SUMF1: variants seen among roughly 807,000 people sequenced by gnomAD.
The protein encoded by SUMF1 is sulfatase modifying factor 1, also known as formylglycine-generating enzyme.
A neutral mutation model predicts 47.6 loss-of-function variants in SUMF1; 48 were observed. That is an observed-to-expected ratio of 1.01 (90% confidence interval 0.80 to 1.28). The LOEUF (loss-of-function observed/expected upper bound fraction) is 1.28. Ranked by LOEUF, SUMF1 falls within the 50% of genes most tolerant of loss-of-function variation. SUMF1 has a pLI of 0.00. For synonymous variants in SUMF1, 230 were observed against 192.1 expected (o/e 1.20, Z -1.63); for missense variants, 571 against 485.4 (o/e 1.18, Z -1.66).
At chr3:4,294,561 C>G (rs1384480258) in intron 8 of SUMF1, among the ~76,000 whole-genome samples, 1 of 152,090 alleles carries the variant, frequency 6.6e-6, no homozygotes, top group Non-Finnish European at 1.5e-5. Context: ...CCACTGCACT[C>G]CAGCCTGGGC....
At chr3:4,215,732 C>T (rs917441944) in intron 8 of SUMF1, among the ~76,000 whole-genome samples, 4 of 152,130 alleles carry the variant, frequency 2.6e-5, no homozygotes, top group African/African-American at 9.7e-5. Context: ...AAATCACAAG[C>T]ATTCCTATAC....
At chr3:4,128,885 TA>T (rs962474659) in intron 8 of SUMF1, among the ~76,000 whole-genome samples, 2 of 152,034 alleles carry the variant, frequency 1.3e-5, no homozygotes, top group African/African-American at 2.4e-5. Flanking sequence ...CTCAGGCAGT[TA>T]AAAAAGGTTC....
intron 8 of SUMF1, among the ~76,000 whole-genome samples, chr3:4,316,046 CAAAA>C (rs774059331): frequency 1.7e-4 from 13 of 76,876 alleles, no homozygotes; most frequent in Admixed American, 7.3e-4. Flanking sequence ...GACTCTGTCT[CAAAA>C]AAAAAAAAAA....
At chr3:4,114,275 A>C (rs1693374372) in intron 8 of SUMF1, among the ~76,000 whole-genome samples, 1 of 152,120 alleles carries the variant, frequency 6.6e-6, no homozygotes, top group Admixed American at 6.5e-5. Context: ...TGGCAGAATC[A>C]AAGCTTTTAT....
intron 8 of SUMF1, among the ~76,000 whole-genome samples, chr3:4,200,424 T>C (rs377523560): frequency 1.3e-5 from 2 of 152,166 alleles, no homozygotes; most frequent in Admixed American, 6.6e-5. Context: ...ATGGTGAATT[T>C]GTTCTCTCTC....
At chr3:4,391,463 A>T (rs936609093) in intron 7 of SUMF1, among the ~76,000 whole-genome samples, 1 of 152,070 alleles carries the variant, frequency 6.6e-6, no homozygotes, top group Non-Finnish European at 1.5e-5. Context: ...TTTTTCTCTG[A>T]AATTTTTTCT....
chr3:4,303,049 ACGTGCAGTG>A lies in SUMF1; in HGVS notation c.1014+73272_1014+73280del, dbSNP rs1301726687. 2.6e-5 allele frequency among the ~76,000 whole-genome samples: 4 copies of A among 152,174 alleles called. No homozygotes were observed. In the East Asian group the frequency reaches 7.7e-4, roughly 29 times the overall value. Reference sequence around the variant, plus strand: ...ACGCACCCCTGCCTCCACTCCACAAACGTGCAGTGAGCCCTCAAAAACCTGGACAAATGA... The same window carrying A: ...ACGCACCCCTGCCTCCACTCCACAAAAGCCCTCAAAAACCTGGACAAATGA... On this transcript the variant is annotated intron_variant and NMD_transcript_variant, in intron 8 of 12. Transcript: ENST00000448413.
chr3:4,451,741 T>A (rs1702975891), intron 2 of SUMF1, among the ~76,000 whole-genome samples: 1 of 152,252 alleles, frequency 6.6e-6, no homozygotes, highest in African/African-American at 2.4e-5. Flanking sequence ...TGGAGGGCAG[T>A]GGCCGGATCT....
At chr3:4,164,214 G>A (rs1007112881) in intron 8 of SUMF1, among the ~76,000 whole-genome samples, 1 of 152,156 alleles carries the variant, frequency 6.6e-6, no homozygotes, top group African/African-American at 2.4e-5. Flanking sequence ...CTGGTTACAA[G>A]CTGTCCCAGG....
intron 8 of SUMF1, among the ~76,000 whole-genome samples, chr3:4,353,002 A>G (rs1699537240): frequency 6.6e-6 from 1 of 152,198 alleles, no homozygotes; most frequent in African/African-American, 2.4e-5. Flanking sequence ...CTAGATGAAC[A>G]GCTCTCAGGT....
chr3:4,244,358 G>A (rs563239054), intron 8 of SUMF1, among the ~76,000 whole-genome samples: 1 of 152,146 alleles, frequency 6.6e-6, no homozygotes, highest in Non-Finnish European at 1.5e-5. Flanking sequence ...AGCATCAATG[G>A]TCTTTACAAT....
chr3:4,456,287 C>A (rs1369492185), intron 1 of SUMF1, among the ~76,000 whole-genome samples: 1 of 151,970 alleles, frequency 6.6e-6, no homozygotes, highest in African/African-American at 2.4e-5. Context: ...AAACCTTTGC[C>A]TGTTAGATTC....
intron 8 of SUMF1, among the ~76,000 whole-genome samples, chr3:4,350,330 TGC>T (rs1351428243): frequency 1.6e-5 from 2 of 128,028 alleles, no homozygotes; most frequent in African/African-American, 3.6e-5. Context: ...TGTGTGTATA[TGC>T]GTGTGTGTGT....
At chr3:4,448,321 C>A (rs1005593537) in intron 3 of SUMF1, among the ~76,000 whole-genome samples, 2 of 152,114 alleles carry the variant, frequency 1.3e-5, no homozygotes, top group East Asian at 1.9e-4. Flanking sequence ...CACGAGAGGA[C>A]AGAGTGAGGC....
intron 8 of SUMF1, among the ~76,000 whole-genome samples, chr3:4,237,900 AGGTATT>A (rs892719843): frequency 1.3e-5 from 2 of 152,122 alleles, no homozygotes; most frequent in Non-Finnish European, 2.9e-5. Flanking sequence ...CATCTACATT[AGGTATT>A]GGTCCTAATG....
intron 8 of SUMF1, among the ~76,000 whole-genome samples, chr3:4,131,609 T>G (rs1457579639): frequency 6.6e-6 from 1 of 152,140 alleles, no homozygotes; most frequent in Non-Finnish European, 1.5e-5. Flanking sequence ...ACATACTGAT[T>G]CATGGGCTGT....
At chr3:4,407,499 C>T (rs929954807) in intron 7 of SUMF1, among the ~76,000 whole-genome samples, 1 of 152,128 alleles carries the variant, frequency 6.6e-6, no homozygotes, top group Non-Finnish European at 1.5e-5. Flanking sequence ...CCAGCCTCTG[C>T]TTATGGAACA....
intron 7 of SUMF1, among the ~76,000 whole-genome samples, chr3:4,392,666 G>C (rs1298987204): frequency 1.3e-5 from 2 of 150,478 alleles, no homozygotes; most frequent in East Asian, 3.9e-4. Flanking sequence ...AAGAGAGAAA[G>C]AGAGCGAGAG....
intron 1 of SUMF1, among the ~76,000 whole-genome samples, chr3:4,457,112 TG>T (rs1168752679): frequency 7.1e-6 from 1 of 140,716 alleles, no homozygotes; most frequent in Non-Finnish European, 1.6e-5. Context: ...TGTTTTGTTT[TG>T]TTTTTTTTAG....
Sources: allele counts gnomAD v4.1 joint callset (sites outside exome capture counted in the v4.1 genomes callset), GRCh38; gene constraint gnomAD v4.1.1; transcripts MANE v1.5; gene names NCBI Gene and HGNC (gene_info 2026-07-23, HGNC 2026-07-21).